The following TTLL12 variants were observed in gnomAD, a reference collection of about 807,000 sequenced individuals.
TTLL12 encodes the protein tubulin tyrosine ligase like 12.
In TTLL12, 77 loss-of-function variants were observed where a neutral mutation model predicts 79.6. That is an observed-to-expected ratio of 0.97 (90% CI 0.81 to 1.17). The LOEUF (loss-of-function observed/expected upper bound fraction) is 1.17, where lower values mean the gene tolerates loss of function less well. Ranked by LOEUF, TTLL12 falls within the 50% of genes most tolerant of loss-of-function variation. TTLL12 has a pLI of 0.00. For missense variants in TTLL12, 969 were observed against 895.9 expected (o/e 1.08, Z -1.04); for synonymous variants, 437 against 376.1 (o/e 1.16, Z -1.87).
chr22:43,174,150 C>G, intron 8 of TTLL12, 59 bp downstream of exon 8: 1 of 1,561,168 alleles, frequency 6.4e-7, no homozygotes. Context: ...CAGGCGGACA[C>G]AGACGCTGGG....
At chr22:43,185,578 C>T (rs923788030) in intron 1 of TTLL12, among the ~76,000 whole-genome samples, 4 of 152,156 alleles carry the variant, frequency 2.6e-5, no homozygotes, top group East Asian at 1.9e-4. Context: ...GCAGGCAAGG[C>T]GGCCTGGGCA....
chr22:43,169,733 A>G (rs1468546878), intron 11 of TTLL12, 165 bp from the exon 12 acceptor site: 1 of 703,238 alleles, frequency 1.4e-6, no homozygotes, highest in Admixed American at 2.0e-5. Flanking sequence ...CAGGAGATGG[A>G]GTCTGGGCTC....
chr22:43,181,043 T>G, intron 2 of TTLL12, 103 bp from the exon 3 acceptor site: 1 of 1,279,590 alleles, frequency 7.8e-7, no homozygotes, highest in Non-Finnish European at 1.1e-6. Context: ...GGGCCCAAGC[T>G]TCCTTAGATT....
At chr22:43,182,514 TAC>T (rs956643334) in intron 2 of TTLL12, among the ~76,000 whole-genome samples, 3 of 152,134 alleles carry the variant, frequency 2.0e-5, no homozygotes, top group Non-Finnish European at 4.4e-5. Flanking sequence ...AAGCCTGGGG[TAC>T]AGTCTCAGCT....
intron 1 of TTLL12, among the ~76,000 whole-genome samples, chr22:43,184,948 G>A (rs939692352): frequency 3.9e-5 from 6 of 152,008 alleles, no homozygotes; most frequent in African/African-American, 7.2e-5. Context: ...ACATCTCTTC[G>A]GCCGGCCGTG....
intron 11 of TTLL12, among the ~76,000 whole-genome samples, chr22:43,170,990 A>C (rs556496107): frequency 6.6e-6 from 1 of 152,352 alleles, no homozygotes; most frequent in East Asian, 1.9e-4. Flanking sequence ...ACTCCTGCTG[A>C]AAAGAACCAA....
In TTLL12 at chr22:43,168,029, G is replaced by GCA; in HGVS notation, c.1912_1913dup (p.His639AlafsTer44). 2 of 1,613,996 alleles carry GCA rather than the reference G, an allele frequency of 1.2e-6. No homozygotes were observed. The highest frequency in any genetic ancestry group is 1.7e-6 in the Non-Finnish European group (2 of 1,179,908). On this transcript the variant is annotated frameshift_variant, in exon 14 of 14. Transcript: ENST00000216129. LOFTEE classifies it high-confidence loss of function. ...GTGCCTAGACAAGGCAGGTAACGTGGCAGCCACCGGGCTGGTCCAGAAACA... is the reference window on the plus strand; with the variant it reads ...GTGCCTAGACAAGGCAGGTAACGTGGCACAGCCACCGGGCTGGTCCAGAAACA...
chr22:43,181,137 T>C (rs1399606267), intron 2 of TTLL12, among the ~76,000 whole-genome samples, 197 bp from the exon 3 acceptor site: 3 of 152,152 alleles, frequency 2.0e-5, no homozygotes, highest in Non-Finnish European at 4.4e-5. Context: ...TCACTCCCTG[T>C]GTGATCCTGA....
intron 1 of TTLL12, among the ~76,000 whole-genome samples, chr22:43,185,283 ATATATATATATATATATG>A (rs1569488228): frequency 2.1e-5 from 1 of 47,032 alleles, no homozygotes; most frequent in African/African-American, 6.0e-5. Context: ...ATATATATAT[ATATATATATATATATATG>A]TATGTATCTT....
intron 5 of TTLL12, among the ~76,000 whole-genome samples, chr22:43,177,094 C>G (rs753465401): frequency 3.9e-5 from 6 of 152,154 alleles, no homozygotes; most frequent in Non-Finnish European, 8.8e-5. Flanking sequence ...CGTGGCTGCA[C>G]ATGGTGGCTC....
At chr22:43,175,839 ATTTTT>A (rs753447234) in intron 6 of TTLL12, among the ~76,000 whole-genome samples, 2 of 128,370 alleles carry the variant, frequency 1.6e-5, no homozygotes, top group African/African-American at 3.0e-5. Context: ...TGCCCTACTA[ATTTTT>A]TTTTTTTTTT....
At position 43,179,961 on chromosome 22, in the gene TTLL12, C is replaced by A; in HGVS notation, c.586G>T (p.Glu196Ter). 1.2e-6 allele frequency: 2 copies of A among 1,609,520 alleles called. No homozygotes were observed. The highest frequency in any genetic ancestry group is 1.7e-5 in the Admixed American group (1 of 59,930). ...EKMPVWYIMDEFGSRIQHADV... is the reference protein window; with the variant it reads ...EKMPVWYIMD Reference sequence around the variant, plus strand: ...GCGTGCTGGATCCGCGAACCGAACTCGTCCATGATATACCACACCGGCATC... The same window carrying A: ...GCGTGCTGGATCCGCGAACCGAACTAGTCCATGATATACCACACCGGCATC... The change falls in exon 4 of 14, where the codon GAG (glutamate) becomes TAG (stop). Residue 196 changes from glutamate (E) to a stop codon, truncating the protein, a stop_gained. Coordinates refer to ENST00000216129, the MANE Select transcript of TTLL12 (RefSeq NM_015140.4). LOFTEE classifies it high-confidence loss of function.
At chr22:43,184,229 G>T (rs550698710) in intron 1 of TTLL12, among the ~76,000 whole-genome samples, 1 of 152,218 alleles carries the variant, frequency 6.6e-6, no homozygotes, top group Non-Finnish European at 1.5e-5. Context: ...CCCACTACTC[G>T]ATTAAAAACG....
intron 9 of TTLL12, 117 bp from the exon 10 acceptor site, chr22:43,172,671 T>G (rs1601768486): frequency 1.8e-6 from 2 of 1,105,102 alleles, no homozygotes; most frequent in East Asian, 5.0e-5. Flanking sequence ...TCCTTCTGCC[T>G]TTTCAAACCT....
rs11090144 is a variant in TTLL12, at chr22:43,180,874, C to G, written c.414G>C (p.Val138=). The G allele has an allele frequency of 1.9e-6, 3 of 1,612,884 alleles. No homozygotes were observed. The highest frequency in any genetic ancestry group is 2.7e-5 in the African/African-American group (2 of 75,060). ...TGGCCATGCGGTGCAGCAGCCCGGG[C>G]ACCTGCTGCAGCTGCTGGCGCGCGT... The part of the protein sequence containing the change: ...VEHARQQLQQ[V]PGLLHRMANL... The change falls in exon 3 of 14, where the codon GTG becomes GTC. Residue 138 remains valine, a synonymous_variant. Coordinates refer to ENST00000216129, the MANE Select transcript of TTLL12 (RefSeq NM_015140.4).
At position 43,183,140 on chromosome 22, in the gene TTLL12, C is replaced by T. The variant is rs571455195; in HGVS notation, c.187G>A (p.Ala63Thr). 18 of 1,613,830 alleles carry T rather than the reference C, an allele frequency of 1.1e-5. No homozygotes were observed. The highest frequency in any genetic ancestry group is 1.1e-4 in the East Asian group (5 of 44,884). The change falls in exon 2 of 14, where the codon GCT becomes ACT. Residue 63 changes from alanine to threonine, a missense_variant. Physicochemically the swap from Ala to Thr is moderately conservative, Grantham distance 58 (BLOSUM62 0). Coordinates refer to ENST00000216129, the MANE Select transcript of TTLL12 (RefSeq NM_015140.4). ...LHKLEHEVFD[A>T]GEVFGIMQVE... is the part of the protein sequence containing the mutation. ...TGCATGATCCCAAACACTTCCCCAG[C>T]GTCGAAAACCTGGGGGCCAGAGTTC...
At chr22:43,171,974 A>G in intron 10 of TTLL12, 74 bp from the exon 11 acceptor site, 1 of 1,303,814 alleles carries the variant, frequency 7.7e-7, no homozygotes, top group South Asian at 1.3e-5. Context: ...CCACCCACTC[A>G]GCCTTCCCAA....
chr22:43,173,139 A>G (rs967785553), intron 9 of TTLL12, among the ~76,000 whole-genome samples: 1 of 152,176 alleles, frequency 6.6e-6, no homozygotes, highest in Non-Finnish European at 1.5e-5. Flanking sequence ...CTATGTACAC[A>G]GTCCAGGCAG....
At chr22:43,181,842 A>G (rs1427325375) in intron 2 of TTLL12, among the ~76,000 whole-genome samples, 1 of 152,134 alleles carries the variant, frequency 6.6e-6, no homozygotes, top group Admixed American at 6.5e-5. Flanking sequence ...TTACTCTTGC[A>G]CTTGTGTTAG....
Sources: allele counts gnomAD v4.1 joint callset (sites outside exome capture counted in the v4.1 genomes callset), GRCh38; gene constraint gnomAD v4.1.1; transcripts MANE v1.5; gene names NCBI Gene and HGNC (gene_info 2026-07-23, HGNC 2026-07-21).